Variants in PAPPA observed in about 807,000 individuals in gnomAD.
The protein encoded by PAPPA is pappalysin 1.
A neutral mutation model predicts 164.0 loss-of-function variants in PAPPA; 60 were observed. The observed-to-expected ratio is 0.37, with a 90% CI of 0.30 to 0.45. The LOEUF is 0.45. PAPPA is among the 20% of genes least tolerant of loss of function. The pLI, the probability that PAPPA is intolerant of heterozygous loss-of-function variation, is 1.00. For synonymous variants in PAPPA, 875 were observed against 814.1 expected (o/e 1.07, Z -1.27); for missense variants, 1,782 against 2,087.3 (o/e 0.85, Z 2.85).
At chr9:116,318,251 A>C (rs1225064326) in intron 10 of PAPPA, 1 of 152,082 alleles carries the variant, frequency 6.6e-6, no homozygotes, top group Non-Finnish European at 1.5e-5. Context: ...TTGAACACAG[A>C]ACCTACCACA....
At position 116,402,285 on chromosome 9, in the gene PAPPA, C is replaced by A. The variant is rs1352726358; in HGVS notation, c.*5669C>A. 1.3e-5 allele frequency: 2 copies of A among 152,384 alleles called. No homozygotes were observed. Among genetic ancestry groups the A allele is most frequent in the East Asian group, 3.9e-4 (2 of 5,184 alleles). The allele number at this position is 152,384 out of a possible 1,614,324, so 9.4% of individuals were successfully genotyped here. A position where few individuals can be genotyped will look rare whatever the true frequency, so the allele number is the denominator to read the frequency against. On this transcript the variant is annotated 3_prime_UTR_variant, in exon 22 of 22. Transcript: ENST00000328252. ...CTGTTGATTACTATACTTTAAAGTT[C>A]TATATTATGAAAATATATAATAGCT...
intron 7 of PAPPA, among the ~76,000 whole-genome samples, chr9:116,237,579 A>C (rs1453668934): frequency 6.6e-6 from 1 of 152,204 alleles, no homozygotes. Flanking sequence ...TTAGTGATTT[A>C]GCTTAGTTCT....
intron 13 of PAPPA, among the ~76,000 whole-genome samples, chr9:116,342,255 C>G (rs1269883802): frequency 6.6e-6 from 1 of 152,280 alleles, no homozygotes; most frequent in South Asian, 2.1e-4. Flanking sequence ...TGAACAGATG[C>G]ATTGTTTAGT....
chr9:116,223,039 G>A (rs1844464445), intron 5 of PAPPA, among the ~76,000 whole-genome samples: 1 of 152,112 alleles, frequency 6.6e-6, no homozygotes, highest in African/African-American at 2.4e-5. Context: ...CATAAAATGT[G>A]GGCATTAATT....
At chr9:116,382,291 G>A (rs1384264827) in intron 20 of PAPPA, 104 bp from the exon 21 acceptor site, 12 of 742,370 alleles carry the variant, frequency 1.6e-5, no homozygotes, top group Non-Finnish European at 2.7e-5. Flanking sequence ...AATCGTGGAA[G>A]GCTGTGAAAA....
Position 116,227,564 on chromosome 9 carries a change from T to A in PAPPA, c.2233+12T>A. On this transcript the variant is annotated intron_variant, in intron 6 of 21. Transcript: ENST00000328252. ...TCGTGAAGCAGAAGGTAAGCCAGCC[T>A]TCTGGAAGCTCATTGACAGGAGGAG... is the stretch of plus-strand genomic sequence containing the variant. 6.2e-7 allele frequency: 1 copy of A among 1,613,622 alleles called. No individual in the cohort carries two copies. Among genetic ancestry groups the A allele is most frequent in the Admixed American group, 1.7e-5 (1 of 59,958 alleles).
intron 21 of PAPPA, among the ~76,000 whole-genome samples, chr9:116,388,072 C>T (rs1279700682): frequency 7.9e-6 from 1 of 126,366 alleles, no homozygotes; most frequent in African/African-American, 2.8e-5. Context: ...TTCATTCTCC[C>T]TCCCTTATTT....
rs76988275 is a variant in PAPPA, at chr9:116,175,117, A to G, written c.416-12037A>G. Among the ~76,000 whole-genome samples the G allele has an allele frequency of 6.3e-3, 956 of 152,310 alleles. 35 individuals are homozygous for G. In the East Asian group the frequency reaches 0.11, roughly 17 times the overall value. On this transcript the variant is annotated intron_variant, in intron 1 of 21. Transcript: ENST00000328252. ...TACTCCTTTCACTATTTATACATTC[A>G]AACCTAATGACCACTGATGTCAACC...
At position 116,332,386 on chromosome 9, in the gene PAPPA, G is replaced by T; in HGVS notation, c.3315G>T (p.Thr1105=). The T allele has an allele frequency of 6.2e-7, 1 of 1,613,938 alleles. No individual in the cohort carries two copies. The highest frequency in any genetic ancestry group is 8.5e-7 in the Non-Finnish European group (1 of 1,179,844). Residue 1105 remains threonine, a synonymous_variant, in exon 12 of 22, where the codon ACG becomes ACT. Coordinates refer to ENST00000328252, the MANE Select transcript of PAPPA (RefSeq NM_002581.5). Reference sequence around the variant, plus strand: ...CAGCTGTCATTGTCCACCTGGTGACGGATGGGACATATTATGGGGACCAAA... The same window carrying T: ...CAGCTGTCATTGTCCACCTGGTGACTGATGGGACATATTATGGGGACCAAA... ...VAAAVIVHLV[T]DGTYYGDQKQ... is the part of the protein sequence containing the mutation.
In PAPPA at chr9:116,239,970, A is replaced by C. The variant is rs1477431669; in HGVS notation, c.2732+4333A>C. 2.6e-5 allele frequency among the ~76,000 whole-genome samples: 4 copies of C among 152,164 alleles called. 1 individual carries two copies. Among genetic ancestry groups the C allele is most frequent in the Admixed American group, 2.0e-4 (3 of 15,268 alleles). On this transcript the variant is annotated intron_variant, in intron 7 of 21. Coordinates refer to ENST00000328252, the MANE Select transcript of PAPPA (RefSeq NM_002581.5). Reference sequence around the variant, plus strand: ...GTTCTTTATGCTTCTGGCTGGGAAGAAATAGCAGGGAAGCATCTTTTTCTC... The same window carrying C: ...GTTCTTTATGCTTCTGGCTGGGAAGCAATAGCAGGGAAGCATCTTTTTCTC...
At chr9:116,373,077 C>A (rs1014255143) in intron 19 of PAPPA, 1 of 152,156 alleles carries the variant, frequency 6.6e-6, no homozygotes, top group South Asian at 2.1e-4. Context: ...GTGGAAAGCC[C>A]TGCCGAGTGT....
intron 21 of PAPPA, among the ~76,000 whole-genome samples, chr9:116,394,045 A>G (rs888877488): frequency 2.6e-5 from 4 of 152,206 alleles, no homozygotes; most frequent in Admixed American, 1.3e-4. Context: ...TTTGAGCTCA[A>G]TGGGAAAGTG....
At chr9:116,158,661 A>G (rs1750851282) in intron 1 of PAPPA, among the ~76,000 whole-genome samples, 1 of 152,218 alleles carries the variant, frequency 6.6e-6, no homozygotes, top group South Asian at 2.1e-4. Context: ...ATGATTTTCC[A>G]AATATCTCAG....
intron 7 of PAPPA, among the ~76,000 whole-genome samples, chr9:116,260,040 C>T (rs1007267310): frequency 2.0e-5 from 3 of 151,698 alleles, no homozygotes; most frequent in African/African-American, 7.3e-5. Flanking sequence ...TCAAACAATG[C>T]TAAGGAAAAA....
rs1554741295 is a variant in PAPPA, at chr9:116,231,766, C to CTTTTTCTTTTTT, written c.2234-3368_2234-3367insCTTTTTTTTTTT. ...GTGGTTTTTCTTTTCTTTTCTTTTT[C>CTTTTTCTTTTTT]TTTTTTTTTTTTGAGATGGAGTTTC... On this transcript the variant is annotated intron_variant, in intron 6 of 21. Coordinates refer to ENST00000328252, the MANE Select transcript of PAPPA (RefSeq NM_002581.5). Among the ~76,000 whole-genome samples, 2 of 57,524 alleles carry CTTTTTCTTTTTT rather than the reference C, an allele frequency of 3.5e-5. 1 individual carries two copies. Among genetic ancestry groups the CTTTTTCTTTTTT allele is most frequent in the Non-Finnish European group, 6.2e-5 (2 of 32,224 alleles). The allele number at this position is 57,524 out of a possible 152,430, so 37.7% of individuals were successfully genotyped here.
rs574329818 is a variant in PAPPA, at chr9:116,183,569, G to A, written c.416-3585G>A. 3.3e-5 allele frequency among the ~76,000 whole-genome samples: 5 copies of A among 152,208 alleles called. No individual in the cohort carries two copies. The South Asian group carries it at 1.0e-3, about 32-fold the overall frequency. On this transcript the variant is annotated intron_variant, in intron 1 of 21. Coordinates refer to ENST00000328252, the MANE Select transcript of PAPPA (RefSeq NM_002581.5). The stretch of plus-strand genomic sequence containing the variant: ...CTAAAATAAGACTACTGTTGATTAA[G>A]TTATGTTCATATAGAAATAAAACCC...
At chr9:116,332,074 A>G (rs1588007440) in intron 11 of PAPPA, among the ~76,000 whole-genome samples, 2 of 152,016 alleles carry the variant, frequency 1.3e-5, no homozygotes, top group Non-Finnish European at 2.9e-5. Context: ...TGGAACTTAG[A>G]CCCAGAGTGG....
intron 7 of PAPPA, among the ~76,000 whole-genome samples, chr9:116,262,843 T>G (rs1845019047): frequency 6.6e-6 from 1 of 152,220 alleles, no homozygotes; most frequent in African/African-American, 2.4e-5. Context: ...AAATAGGTTC[T>G]AACCTCCAGC....
In PAPPA at chr9:116,225,212, G is replaced by A. The variant is rs544920744; in HGVS notation, c.2112-2219G>A. On this transcript the variant is annotated intron_variant, in intron 5 of 21. Transcript: ENST00000328252. ...TAACCCCAGTGTCAGTCTAAAGCCA[G>A]TCATGTGACTCAAAGCCACTATGCG... Among the ~76,000 whole-genome samples the A allele has an allele frequency of 2.0e-3, 300 of 152,328 alleles. 4 individuals carry two copies. In the Middle Eastern group the frequency reaches 0.031, roughly 16 times the overall value.
Sources: allele counts gnomAD v4.1 joint callset (sites outside exome capture counted in the v4.1 genomes callset), GRCh38; gene constraint gnomAD v4.1.1; transcripts MANE v1.5; gene names NCBI Gene and HGNC (gene_info 2026-07-23, HGNC 2026-07-21).